Variants in RFC3 observed in about 807,000 individuals in gnomAD.
RFC3 encodes replication factor C subunit 3.
A neutral mutation model predicts 45.1 loss-of-function variants in RFC3; 41 were observed. The ratio of observed to expected loss-of-function variants is 0.91; its 90% CI spans 0.71 to 1.18. RFC3 has a LOEUF of 1.18. RFC3 is among the 50% of genes most tolerant of loss of function. The probability of loss-of-function intolerance (pLI) is 0.00; values close to 1 mark genes in which losing one functional copy is unlikely to be tolerated. For missense variants in RFC3, 423 were observed against 428.1 expected, an observed-to-expected ratio of 0.99 and a Z score of 0.10; for synonymous variants, 149 against 144.0, an observed-to-expected ratio of 1.03 and a Z score of -0.25.
intron 8 of RFC3, among the ~76,000 whole-genome samples, chr13:33,886,251 A>G (rs1182126546): frequency 1.3e-5 from 2 of 152,216 alleles, no homozygotes; most frequent in Non-Finnish European, 2.9e-5. Context: ...CTAGATTTTA[A>G]GAAAATGAAA....
chr13:33,972,064 C>T, the RFC3 span, among the ~76,000 whole-genome samples: 4 of 152,132 alleles, frequency 2.6e-5, no homozygotes, highest in African/African-American at 4.8e-5. Flanking sequence ...GGCAGTGAGC[C>T]GAGATCGCAC....
At chr13:33,825,622 G>A (rs937111362) in intron 3 of RFC3, among the ~76,000 whole-genome samples, 167 bp from the exon 4 acceptor site, 12 of 152,024 alleles carry the variant, frequency 7.9e-5, no homozygotes, top group Non-Finnish European at 1.5e-4. Flanking sequence ...TTGGAATATT[G>A]TTAGTATTTT....
the RFC3 span, among the ~76,000 whole-genome samples, chr13:33,977,308 A>G: frequency 6.6e-6 from 1 of 152,174 alleles, no homozygotes; most frequent in African/African-American, 2.4e-5. Context: ...GATGTGGGGT[A>G]TATATGAGAA....
intron 8 of RFC3, among the ~76,000 whole-genome samples, chr13:33,859,929 T>C (rs1336233646): frequency 1.3e-5 from 2 of 152,094 alleles, no homozygotes; most frequent in Non-Finnish European, 2.9e-5. Context: ...ATAGGGCCTT[T>C]CAGGAGGTAA....
At chr13:33,866,255 C>G (rs2082373147) in intron 8 of RFC3, among the ~76,000 whole-genome samples, 1 of 152,102 alleles carries the variant, frequency 6.6e-6, no homozygotes, top group Non-Finnish European at 1.5e-5. Flanking sequence ...GGGGTTTTTT[C>G]TGTAGGCAGA....
At chr13:33,845,949 G>C (rs1330021089) in intron 8 of RFC3, among the ~76,000 whole-genome samples, 1 of 152,174 alleles carries the variant, frequency 6.6e-6, no homozygotes, top group African/African-American at 2.4e-5. Flanking sequence ...TGAGTGTTGT[G>C]ATCTAAGTCT....
At chr13:33,872,803 C>A (rs1593655412) in intron 8 of RFC3, among the ~76,000 whole-genome samples, 3 of 139,894 alleles carry the variant, frequency 2.1e-5, no homozygotes, top group African/African-American at 5.2e-5. Context: ...CCCCCCCCCC[C>A]AAAATACATG....
At chr13:33,855,011 T>A (rs2082299931) in intron 8 of RFC3, among the ~76,000 whole-genome samples, 1 of 152,104 alleles carries the variant, frequency 6.6e-6, no homozygotes, top group African/African-American at 2.4e-5. Flanking sequence ...ATGAACATGG[T>A]TCAGTTGAAA....
At chr13:33,931,003 C>T (rs2137770080) in intron 8 of RFC3, among the ~76,000 whole-genome samples, 1 of 151,910 alleles carries the variant, frequency 6.6e-6, no homozygotes, top group South Asian at 2.1e-4. Flanking sequence ...TTAGTGACAG[C>T]TTATGATTGG....
intron 8 of RFC3, among the ~76,000 whole-genome samples, chr13:33,865,878 A>T (rs1377329147): frequency 6.6e-6 from 1 of 152,046 alleles, no homozygotes; most frequent in East Asian, 1.9e-4. Flanking sequence ...ACATGGAGAA[A>T]CCCTGTCTCT....
chr13:33,821,153 C>T lies in RFC3; in HGVS notation c.109C>T (p.His37Tyr), dbSNP rs2081999543. The T allele has an allele frequency of 2.5e-6, 4 of 1,613,464 alleles. No individual in the cohort carries two copies. The highest frequency in any genetic ancestry group is 1.7e-5 in the Admixed American group (1 of 59,974). ...TCAGGTGCAGTGTGGTGACTTTCCT[C>T]ATCTGTTAGTGTACGGACCATCAGG... ...RNLVQCGDFP[H>Y]LLVYGPSGAG... The change falls in exon 2 of 9, where the codon CAT becomes TAT. Residue 37 changes from histidine to tyrosine, a missense_variant. His to Tyr is a moderately conservative substitution (Grantham distance 83). Transcript: ENST00000380071.
downstream of RFC3, among the ~76,000 whole-genome samples, chr13:33,842,006 G>A (rs981252707): frequency 6.6e-6 from 1 of 152,146 alleles, no homozygotes; most frequent in Non-Finnish European, 1.5e-5. Context: ...TATGTGGCCA[G>A]GTGCGGTGAC....
chr13:33,965,308 T>G (rs1215986058), intron 8 of RFC3, among the ~76,000 whole-genome samples: 1 of 152,124 alleles, frequency 6.6e-6, no homozygotes, highest in Non-Finnish European at 1.5e-5. Context: ...GACAAGGTAG[T>G]CCTATGAGAT....
intron 8 of RFC3, among the ~76,000 whole-genome samples, chr13:33,893,669 G>A (rs979134896): frequency 1.3e-5 from 2 of 151,966 alleles, no homozygotes; most frequent in African/African-American, 4.8e-5. Flanking sequence ...CTAATTTTAT[G>A]AAGACTGAAA....
chr13:33,895,008 T>C (rs2082588753), intron 8 of RFC3, among the ~76,000 whole-genome samples: 1 of 152,168 alleles, frequency 6.6e-6, no homozygotes. Context: ...CAACTCATGA[T>C]GGATCAAGGA....
intron 8 of RFC3, among the ~76,000 whole-genome samples, chr13:33,902,456 T>G (rs557004114): frequency 6.6e-6 from 1 of 152,206 alleles, no homozygotes; most frequent in East Asian, 1.9e-4. Flanking sequence ...ACTTATTAAT[T>G]ATATGGAAAT....
intron 8 of RFC3, among the ~76,000 whole-genome samples, chr13:33,870,801 C>A (rs554751035): frequency 3.3e-5 from 5 of 152,260 alleles, no homozygotes; most frequent in Non-Finnish European, 4.4e-5. Context: ...AAACAGATCC[C>A]AGGACTTATA....
downstream of RFC3, among the ~76,000 whole-genome samples, chr13:33,838,411 T>C (rs917294707): frequency 2.0e-5 from 3 of 152,132 alleles, no homozygotes; most frequent in African/African-American, 7.2e-5. Context: ...TAGTTTACCA[T>C]TTATAGGATT....
intron 8 of RFC3, among the ~76,000 whole-genome samples, chr13:33,909,961 T>C (rs1030575484): frequency 2.0e-5 from 3 of 152,108 alleles, no homozygotes; most frequent in Non-Finnish European, 4.4e-5. Context: ...AGTAACCTTT[T>C]CAGCAAAGGA....
Sources: gnomAD v4.1 joint callset for allele counts (sites outside exome capture counted in the v4.1 genomes callset) on GRCh38, gnomAD v4.1.1 for gene constraint, MANE v1.5 for transcripts, NCBI Gene and HGNC (gene_info 2026-07-23, HGNC 2026-07-21) for gene names.